The following GPATCH1 variants were observed in gnomAD, a reference collection of about 807,000 sequenced individuals.
GPATCH1 encodes G patch domain-containing protein 1.
A neutral mutation model predicts 114.9 loss-of-function variants in GPATCH1; 73 were observed. The observed-to-expected ratio is 0.64, with a 90% CI of 0.53 to 0.77. The LOEUF (loss-of-function observed/expected upper bound fraction) is 0.77, where lower values mean the gene tolerates loss of function less well. Ranked by LOEUF, GPATCH1 falls within the 30% of genes least tolerant of loss-of-function variation. GPATCH1 has a pLI of 0.00. For synonymous variants in GPATCH1, 391 were observed against 428.4 expected, an observed-to-expected ratio of 0.91 and a Z score of 1.08; for missense variants, 1,058 against 1,144.3, an observed-to-expected ratio of 0.92 and a Z score of 1.09.
intron 14 of GPATCH1, 32 bp downstream of exon 14, chr19:33,113,935 A>C (rs1599862905): frequency 1.2e-6 from 2 of 1,605,796 alleles, no homozygotes; most frequent in Non-Finnish European, 1.7e-6. Context: ...TCTCTGATTG[A>C]CCAGGGCCTC....
At position 33,118,042 on chromosome 19, in the gene GPATCH1, G is replaced by T; in HGVS notation, c.2413+1G>T. ...GGGGAAACATCATCTGTGGCTCACG[G>T]TATGTCAGTATTTCAGACTCGGGGA... is the stretch of plus-strand genomic sequence containing the variant. On this transcript the variant is annotated splice_donor_variant, in intron 16 of 19. Coordinates refer to ENST00000170564, the MANE Select transcript of GPATCH1 (RefSeq NM_018025.3). LOFTEE classifies it high-confidence loss of function. The T allele has an allele frequency of 1.2e-6, 2 of 1,606,604 alleles. No individual in the cohort carries two copies. Among genetic ancestry groups the T allele is most frequent in the Non-Finnish European group, 1.7e-6 (2 of 1,173,328 alleles).
chr19:33,094,107 G>A (rs527646303), intron 4 of GPATCH1, 65 bp from the exon 5 acceptor site: 24 of 907,922 alleles, frequency 2.6e-5, no homozygotes, highest in East Asian at 9.7e-5. Flanking sequence ...CTCAGAAGCC[G>A]CTTATTTCAT....
rs1169697077 is a variant in GPATCH1, at chr19:33,112,368, A to G, written c.1765-118A>G. 5 of 1,124,236 alleles carry G rather than the reference A, an allele frequency of 4.4e-6. No homozygotes were observed. In the East Asian group the frequency reaches 7.2e-5, roughly 16 times the overall value. The allele number at this position is 1,124,236 out of a possible 1,614,324, so 69.6% of individuals were successfully genotyped here. ...TAGTTTCCAATGTACTGGAGCATAA[A>G]TGTTATAGCACAAACTTTTTTCACA... On this transcript the variant is annotated intron_variant, in intron 12 of 19. Coordinates refer to ENST00000170564, the MANE Select transcript of GPATCH1 (RefSeq NM_018025.3).
chr19:33,117,395 G>A (rs892078337), intron 15 of GPATCH1, among the ~76,000 whole-genome samples: 2 of 152,130 alleles, frequency 1.3e-5, no homozygotes, highest in Non-Finnish European at 2.9e-5. Context: ...CAGAGGCACA[G>A]TGCTCTACTG....
At chr19:33,100,766 T>A (rs1972716896) in intron 8 of GPATCH1, among the ~76,000 whole-genome samples, 1 of 150,902 alleles carries the variant, frequency 6.6e-6, no homozygotes, top group African/African-American at 2.4e-5. Context: ...CTTTTGATGG[T>A]CATGTAGAAG....
intron 15 of GPATCH1, among the ~76,000 whole-genome samples, chr19:33,116,761 C>T (rs1476857947): frequency 1.3e-5 from 2 of 152,310 alleles, no homozygotes; most frequent in African/African-American, 2.4e-5. Flanking sequence ...GATCTCCTGA[C>T]CTCGTGATCC....
intron 13 of GPATCH1, 104 bp from the exon 14 acceptor site, chr19:33,113,663 T>C: frequency 1.1e-6 from 1 of 926,040 alleles, no homozygotes; most frequent in East Asian, 2.5e-5. Context: ...TAGGAGACTT[T>C]TTAGTCATGC....
Position 33,130,256 on chromosome 19 carries a change from T to C in GPATCH1, c.*96T>C. The C allele has an allele frequency of 6.8e-6, 5 of 732,106 alleles. No homozygotes were observed. The highest frequency in any genetic ancestry group is 9.1e-6 in the Non-Finnish European group (4 of 440,942). The allele number at this position is 732,106 out of a possible 1,614,324, so 45.4% of individuals were successfully genotyped here. ...ACGCATTGTACAGAGTGTATTTATATGTAAATTCCTGCTGTAAAATAATTT... is the reference window on the plus strand; with the variant it reads ...ACGCATTGTACAGAGTGTATTTATACGTAAATTCCTGCTGTAAAATAATTT... On this transcript the variant is annotated 3_prime_UTR_variant, in exon 20 of 20. Transcript: ENST00000170564.
intron 1 of GPATCH1, among the ~76,000 whole-genome samples, chr19:33,087,206 A>T (rs1972542559): frequency 6.6e-6 from 1 of 152,258 alleles, no homozygotes; most frequent in East Asian, 1.9e-4. Flanking sequence ...ACCCTTAACC[A>T]CTGTATAACC....
chr19:33,085,983 G>C (rs1009602830), intron 1 of GPATCH1, among the ~76,000 whole-genome samples: 4 of 152,196 alleles, frequency 2.6e-5, no homozygotes, highest in Non-Finnish European at 4.4e-5. Context: ...GGCAGCACCT[G>C]TTCCCTCTTA....
chr19:33,094,889 G>T (rs966031615), intron 5 of GPATCH1, among the ~76,000 whole-genome samples: 7 of 152,150 alleles, frequency 4.6e-5, no homozygotes, highest in Non-Finnish European at 1.0e-4. Context: ...TCCTGGCTGG[G>T]TGCAGTGACT....
chr19:33,093,638 A>G (rs1972622538), intron 4 of GPATCH1, 119 bp downstream of exon 4: 2 of 961,034 alleles, frequency 2.1e-6, no homozygotes, highest in Admixed American at 2.3e-5. Context: ...TCAAAGTCTA[A>G]GTGAAAAAGG....
intron 18 of GPATCH1, 44 bp from the exon 19 acceptor site, chr19:33,126,543 GA>G (rs763395796): frequency 6.2e-7 from 1 of 1,605,684 alleles, no homozygotes; most frequent in African/African-American, 1.4e-5. Flanking sequence ...AATTAAGGAG[GA>G]AAAAATACAT....
intron 9 of GPATCH1, among the ~76,000 whole-genome samples, chr19:33,102,059 C>T (rs1023233032): frequency 6.0e-5 from 9 of 149,412 alleles, no homozygotes; most frequent in South Asian, 2.1e-4. Flanking sequence ...GTTGGCCAGG[C>T]GTGGTGGCTC....
At chr19:33,084,766 T>C (rs1972518040) in intron 1 of GPATCH1, among the ~76,000 whole-genome samples, 1 of 151,898 alleles carries the variant, frequency 6.6e-6, no homozygotes, top group Non-Finnish European at 1.5e-5. Flanking sequence ...GTTCAAGCGA[T>C]TCTCCTGCCT....
intron 14 of GPATCH1, 122 bp from the exon 15 acceptor site, chr19:33,114,131 C>G (rs1972889823): frequency 1.0e-6 from 1 of 1,002,580 alleles, no homozygotes; most frequent in Admixed American, 2.1e-5. Flanking sequence ...CTCCCCAGGA[C>G]CCTACACAGT....
Position 33,096,327 on chromosome 19 carries a change from C to T in GPATCH1, c.733C>T (p.Gln245Ter), listed in dbSNP as rs1972658460. The T allele has an allele frequency of 1.2e-6, 2 of 1,614,172 alleles. No homozygotes were observed. The highest frequency in any genetic ancestry group is 1.7e-6 in the Non-Finnish European group (2 of 1,180,022). The stretch of plus-strand genomic sequence containing the variant: ...AGCTTACAAGGGCCTGGATCCCCAC[C>T]AGGCACTGTTTGGAACTTCGGGAGA... Reference protein sequence around the residue: ...GLAYKGLDPHQALFGTSGEHF... With the variant: ...GLAYKGLDPH The change falls in exon 7 of 20, where the codon CAG (glutamine) becomes TAG (stop). Residue 245 changes from glutamine (Q) to a stop codon, truncating the protein, a stop_gained. Transcript: ENST00000170564. LOFTEE classifies it high-confidence loss of function.
intron 19 of GPATCH1, among the ~76,000 whole-genome samples, chr19:33,128,485 C>T (rs1057057168): frequency 1.6e-4 from 25 of 152,208 alleles, no homozygotes; most frequent in African/African-American, 5.8e-4. Context: ...TGGTCTCAAT[C>T]TCCTGACCTG....
chr19:33,097,837 A>C lies in GPATCH1; in HGVS notation c.935A>C (p.Lys312Thr). Reference protein sequence around the residue: ...ETLSKYDTVLKDEEPGDGLYG... With the variant: ...ETLSKYDTVLTDEEPGDGLYG... The stretch of plus-strand genomic sequence containing the variant: ...CTATCCAAGTATGACACTGTTCTGA[A>C]GGACGAGGAGCCTGGAGACGGACTC... Residue 312 changes from lysine to threonine, a missense_variant, in exon 8 of 20, where the codon AAG (lysine) becomes ACG (threonine). Lys to Thr is a moderately conservative substitution (Grantham distance 78). This residue lies in a region of GPATCH1 where 893 missense variants were observed against 977.4 expected (regional missense o/e 0.91). Transcript: ENST00000170564. 6.2e-7 allele frequency: 1 copy of C among 1,614,030 alleles called. No homozygotes were observed. Among genetic ancestry groups the C allele is most frequent in the Non-Finnish European group, 8.5e-7 (1 of 1,179,928 alleles).
Sources: allele counts gnomAD v4.1 joint callset (sites outside exome capture counted in the v4.1 genomes callset), GRCh38; gene constraint gnomAD v4.1.1; regional missense constraint gnomAD v4.1.1; transcripts MANE v1.5; gene names NCBI Gene and HGNC (gene_info 2026-07-23, HGNC 2026-07-21).